GPC5: variants seen among roughly 807,000 people sequenced by gnomAD.
The protein encoded by GPC5 is glypican 5.
In GPC5, 47 loss-of-function variants were observed where a neutral mutation model predicts 53.9. The observed-to-expected ratio is 0.87, with a 90% confidence interval of 0.69 to 1.11. The LOEUF is 1.11. Ranked by LOEUF, GPC5 falls within the 50% of genes most tolerant of loss-of-function variation. GPC5 has a pLI of 0.00. For synonymous variants in GPC5, 286 were observed against 263.3 expected, an observed-to-expected ratio of 1.09 and a Z score of -0.84; for missense variants, 748 against 713.1, an observed-to-expected ratio of 1.05 and a Z score of -0.56.
intron 5 of GPC5, among the ~76,000 whole-genome samples, chr13:91,891,375 T>G (rs1249581009): frequency 6.6e-6 from 1 of 152,158 alleles, no homozygotes; most frequent in Non-Finnish European, 1.5e-5. Flanking sequence ...GCTGGGAACC[T>G]TTGAAGGCAG....
intron 1 of GPC5, among the ~76,000 whole-genome samples, chr13:91,434,232 T>C (rs1879729653): frequency 6.6e-6 from 1 of 152,246 alleles, no homozygotes; most frequent in Admixed American, 6.5e-5. Flanking sequence ...AATTTTGGCT[T>C]TTGTTGCCAA....
At chr13:92,768,664 G>T (rs1417775580) in intron 7 of GPC5, among the ~76,000 whole-genome samples, 2 of 151,692 alleles carry the variant, frequency 1.3e-5, no homozygotes, top group Non-Finnish European at 2.9e-5. Flanking sequence ...TCTGTTATTT[G>T]CACCATCATT....
intron 7 of GPC5, among the ~76,000 whole-genome samples, chr13:92,214,514 T>C (rs2042396572): frequency 6.6e-6 from 1 of 152,164 alleles, no homozygotes; most frequent in Admixed American, 6.5e-5. Context: ...TCAGATACTA[T>C]TCACTAAGAC....
chr13:92,756,034 G>A (rs1442489020), intron 7 of GPC5, among the ~76,000 whole-genome samples: 1 of 151,970 alleles, frequency 6.6e-6, no homozygotes, highest in African/African-American at 2.4e-5. Flanking sequence ...CCAAAAAAGA[G>A]AGTTTTAGAC....
intron 6 of GPC5, among the ~76,000 whole-genome samples, chr13:91,996,919 A>G (rs2040508888): frequency 6.6e-6 from 1 of 152,180 alleles, no homozygotes; most frequent in Non-Finnish European, 1.5e-5. Flanking sequence ...GTATCATACA[A>G]ATATAATACC....
intron 7 of GPC5, among the ~76,000 whole-genome samples, chr13:92,793,682 T>TA (rs1181373158): frequency 6.6e-6 from 1 of 151,604 alleles, no homozygotes; most frequent in Non-Finnish European, 1.5e-5. Flanking sequence ...ATAGACACAA[T>TA]AAAAAATGAT....
At chr13:92,149,448 T>C (rs2041891767) in intron 7 of GPC5, among the ~76,000 whole-genome samples, 1 of 152,078 alleles carries the variant, frequency 6.6e-6, no homozygotes, top group Non-Finnish European at 1.5e-5. Context: ...ATTAAATTGC[T>C]AGATCTAGAA....
intron 2 of GPC5, among the ~76,000 whole-genome samples, chr13:91,600,305 CAGAGAGAGAGAGAGAGAGAGAG>C (rs67108031): frequency 0.048 from 7,059 of 146,518 alleles, 256 homozygotes; most frequent in South Asian, 0.22. Flanking sequence ...GTTCATTTTA[CAGAGAGAGAGAGAGAGAGAGAG>C]AGAGAGAGAG....
At chr13:91,622,812 A>G (rs74617841) in intron 2 of GPC5, among the ~76,000 whole-genome samples, 12,848 of 152,228 alleles carry the variant, frequency 0.084, 735 homozygotes, top group Non-Finnish European at 0.13. Flanking sequence ...AAAGTCCACT[A>G]CTACAAGAAT....
chr13:92,518,940 C>G (rs559060922), intron 7 of GPC5, among the ~76,000 whole-genome samples: 1 of 152,034 alleles, frequency 6.6e-6, no homozygotes. Context: ...GAATATCTAC[C>G]AAGCAAATGG....
intron 7 of GPC5, among the ~76,000 whole-genome samples, chr13:92,634,148 C>T (rs768399681): frequency 4.5e-4 from 68 of 152,096 alleles, no homozygotes; most frequent in Non-Finnish European, 9.0e-4. Context: ...ATTCAATTTG[C>T]TAATATTTTA....
At chr13:91,976,852 C>T (rs1036000637) in intron 6 of GPC5, among the ~76,000 whole-genome samples, 4 of 152,004 alleles carry the variant, frequency 2.6e-5, no homozygotes, top group Admixed American at 6.6e-5. Context: ...TCAGCCTGGC[C>T]AACATGGTGA....
At chr13:91,550,346 G>T (rs1367896338) in intron 2 of GPC5, among the ~76,000 whole-genome samples, 1 of 152,102 alleles carries the variant, frequency 6.6e-6, no homozygotes, top group African/African-American at 2.4e-5. Flanking sequence ...GAACCCCAAT[G>T]TAACCTATGT....
chr13:92,243,333 A>G (rs1157717639), intron 7 of GPC5, among the ~76,000 whole-genome samples: 1 of 152,038 alleles, frequency 6.6e-6, no homozygotes, highest in Non-Finnish European at 1.5e-5. Flanking sequence ...TTCAAGAGAA[A>G]TCTCCCCACT....
chr13:92,552,234 C>A (rs1198713261), intron 7 of GPC5, among the ~76,000 whole-genome samples: 1 of 151,820 alleles, frequency 6.6e-6, no homozygotes, highest in Admixed American at 6.6e-5. Flanking sequence ...ATGGGGGCAG[C>A]TTTTCCAGTG....
chr13:91,952,758 C>T (rs986129009), intron 6 of GPC5, among the ~76,000 whole-genome samples: 2 of 152,008 alleles, frequency 1.3e-5, no homozygotes, highest in African/African-American at 4.8e-5. Context: ...GTTTGATAAT[C>T]CCTGAACAAA....
chr13:92,111,064 G>A (rs927134086), intron 6 of GPC5, among the ~76,000 whole-genome samples: 12 of 152,160 alleles, frequency 7.9e-5, no homozygotes, highest in African/African-American at 2.7e-4. Context: ...TTATTTGGCT[G>A]CAACATGTAA....
intron 7 of GPC5, among the ~76,000 whole-genome samples, chr13:92,392,886 A>C (rs1251915142): frequency 6.6e-6 from 1 of 152,230 alleles, no homozygotes; most frequent in East Asian, 1.9e-4. Flanking sequence ...TATTATTAAA[A>C]AGTCAAAAAA....
At chr13:92,279,114 G>A (rs1454891761) in intron 7 of GPC5, among the ~76,000 whole-genome samples, 1 of 151,974 alleles carries the variant, frequency 6.6e-6, no homozygotes, top group African/African-American at 2.4e-5. Flanking sequence ...ACTTTGGAAA[G>A]TTTTGTTCTA....
Sources: gnomAD v4.1 joint callset for allele counts (sites outside exome capture counted in the v4.1 genomes callset) on GRCh38, gnomAD v4.1.1 for gene constraint, MANE v1.5 for transcripts, NCBI Gene and HGNC (gene_info 2026-07-23, HGNC 2026-07-21) for gene names.